SYTL1: variants seen among roughly 807,000 people sequenced by gnomAD.
The protein encoded by SYTL1 is synaptotagmin like 1.
A neutral mutation model predicts 74.6 loss-of-function variants in SYTL1; 53 were observed. That is an observed-to-expected ratio of 0.71 (90% CI 0.57 to 0.89). The LOEUF is 0.89. Among genes scored for constraint, SYTL1 ranks in the 40% least tolerant of loss-of-function variants. The pLI, the probability that SYTL1 is intolerant of heterozygous loss-of-function variation, is 0.00. For synonymous variants in SYTL1, 329 were observed against 324.9 expected (o/e 1.01, Z -0.14); for missense variants, 728 against 768.7 (o/e 0.95, Z 0.63).
At position 27,351,556 on chromosome 1, in the gene SYTL1, G is replaced by A; in HGVS notation, c.1343+1G>A. 6.5e-7 allele frequency: 1 copy of A among 1,531,246 alleles called. No individual in the cohort carries two copies. The allele number at this position is 1,531,246 out of a possible 1,614,324, so 94.9% of individuals were successfully genotyped here. A position where few individuals can be genotyped will look rare whatever the true frequency, so the allele number is the denominator to read the frequency against. ...GATCCCTGGACACTTACGTACAATGGTGAGGAGTGCTGGCCCTCCGGGCTT... is the reference window on the plus strand; with the variant it reads ...GATCCCTGGACACTTACGTACAATGATGAGGAGTGCTGGCCCTCCGGGCTT... On this transcript the variant is annotated splice_donor_variant, in intron 13 of 14. Coordinates refer to ENST00000616558, the MANE Select transcript of SYTL1 (RefSeq NM_001193308.2). LOFTEE classifies it high-confidence loss of function. The surrounding 1 kb of genome is among the most constrained non-coding windows in gnomAD (Gnocchi z 5.0).
rs78953856 is a variant in SYTL1, at chr1:27,342,851, G to A, written c.-39+701G>A. On this transcript the variant is annotated intron_variant, in intron 1 of 14. Coordinates refer to ENST00000616558, the MANE Select transcript of SYTL1 (RefSeq NM_001193308.2). This position sits in a 1 kb window ranked among gnomAD's most constrained non-coding sequence, Gnocchi z 4.7. ...CACACCCCAATCCACAGGGGAGGCC[G>A]AACGTGGGCTCACACCCCAATCCAC... is the stretch of plus-strand genomic sequence containing the variant. 9.2e-3 allele frequency among the ~76,000 whole-genome samples: 1,392 copies of A among 152,052 alleles called. 8 individuals carry two copies. Among genetic ancestry groups the A allele is most frequent in the Non-Finnish European group, 0.016 (1,062 of 67,904 alleles).
chr1:27,343,760 C>T lies in SYTL1; in HGVS notation c.-38-1537C>T, dbSNP rs1394861530. On this transcript the variant is annotated intron_variant, in intron 1 of 14. Transcript: ENST00000616558. The surrounding 1 kb of genome is among the most constrained non-coding windows in gnomAD (Gnocchi z 5.2). ...TTTGAGGGTGACTCCCTCTCCCTGC[C>T]TCCAAGGAGCTCACAACCCAGTTAG... 2.0e-5 allele frequency among the ~76,000 whole-genome samples: 3 copies of T among 152,188 alleles called. No individual in the cohort carries two copies. The highest frequency in any genetic ancestry group is 4.4e-5 in the Non-Finnish European group (3 of 68,030).
rs1181342335 is a variant in SYTL1 at position 27,353,737 on chromosome 1, C to T, written c.1574C>T (p.Pro525Leu). Reference sequence around the variant, plus strand: ...GGCAGCAGCTATGGGCTGCAGGTGCCCTGGATGGATTCCACACCTGAGGAG... The same window carrying T: ...GGCAGCAGCTATGGGCTGCAGGTGCTCTGGATGGATTCCACACCTGAGGAG... Reference protein sequence around the residue: ...GTGSSYGLQVPWMDSTPEEKQ... With the variant: ...GTGSSYGLQVLWMDSTPEEKQ... Residue 525 changes from proline (P) to leucine (L), a missense_variant, in exon 15 of 15, where the codon CCC becomes CTC. Transcript: ENST00000616558. 6.2e-7 allele frequency: 1 copy of T among 1,613,936 alleles called. No homozygotes were observed. Among genetic ancestry groups the T allele is most frequent in the East Asian group, 2.2e-5 (1 of 44,876 alleles).
Position 27,347,489 on chromosome 1 carries a change from C to G in SYTL1, c.260C>G (p.Ala87Gly). The G allele has an allele frequency of 6.2e-7, 1 of 1,614,156 alleles. No homozygotes were observed. The highest frequency in any genetic ancestry group is 1.6e-4 in the Middle Eastern group (1 of 6,062). The part of the protein sequence containing the change: ...KILTGDWFQE[A>G]RSQRHHNAHF... ...CTGACAGGGGACTGGTTCCAGGAAG[C>G]ACGCTCCCAGCGGCACCACAATGCC... Residue 87 changes from alanine to glycine, a missense_variant, in exon 3 of 15, where the codon GCA (alanine) becomes GGA (glycine). Transcript: ENST00000616558. This position sits in a 1 kb window ranked among gnomAD's most constrained non-coding sequence, Gnocchi z 4.9.
In SYTL1 at chr1:27,348,104, T is replaced by TG. The variant is rs1370458054; in HGVS notation, c.459+96dup. The TG allele has an allele frequency of 7.9e-7, 1 of 1,262,808 alleles. No homozygotes were observed. The highest frequency in any genetic ancestry group is 1.2e-6 in the Non-Finnish European group (1 of 865,022). 78.2% of individuals were successfully genotyped at this position (1,262,808 alleles called of 1,614,324 possible). A position where few individuals can be genotyped will look rare whatever the true frequency, so the allele number is the denominator to read the frequency against. On this transcript the variant is annotated intron_variant, in intron 5 of 14. Coordinates refer to ENST00000616558, the MANE Select transcript of SYTL1 (RefSeq NM_001193308.2). The surrounding 1 kb of genome is among the most constrained non-coding windows in gnomAD (Gnocchi z 4.1). The stretch of plus-strand genomic sequence containing the variant: ...GGGGGAAAGAGCCCCAGCCTGGGAA[T>TG]GGGGAGACCCTGGAAATGTTCCTTC...
Position 27,350,797 on chromosome 1 carries a change from T to C in SYTL1, c.1009T>C (p.Ser337Pro), listed in dbSNP as rs1210327660. 3.1e-6 allele frequency: 5 copies of C among 1,613,618 alleles called. No individual in the cohort carries two copies. Among genetic ancestry groups the C allele is most frequent in the Non-Finnish European group, 4.2e-6 (5 of 1,180,026 alleles). Reference sequence around the variant, plus strand: ...AAAGCTCACCTCCTGTCCTCAGTACTCCGTCCCGCAGGCCGAGCTTCAGGG... The same window carrying C: ...AAAGCTCACCTCCTGTCCTCAGTACCCCGTCCCGCAGGCCGAGCTTCAGGG... ...NPVFNETLRYSVPQAELQGRV... is the reference protein window; with the variant it reads ...NPVFNETLRYPVPQAELQGRV... Residue 337 changes from serine (S) to proline (P), a missense_variant, in exon 11 of 15, where the codon TCC becomes CCC. Physicochemically the swap from Ser to Pro is moderately conservative, Grantham distance 74. Coordinates refer to ENST00000616558, the MANE Select transcript of SYTL1 (RefSeq NM_001193308.2). The surrounding 1 kb of genome is among the most constrained non-coding windows in gnomAD (Gnocchi z 6.3).
Position 27,348,957 on chromosome 1 carries a change from G to T in SYTL1, c.460-123G>T, listed in dbSNP as rs2015117090. On this transcript the variant is annotated intron_variant, in intron 5 of 14. Coordinates refer to ENST00000616558, the MANE Select transcript of SYTL1 (RefSeq NM_001193308.2). The surrounding 1 kb of genome is among the most constrained non-coding windows in gnomAD (Gnocchi z 4.1). ...AGCTGGCTGCCAGCCCTGCCCGGAG[G>T]GCTGCCCTAAACCTGAAACTGGGGT... The T allele has an allele frequency of 2.7e-6, 2 of 747,822 alleles. No individual in the cohort carries two copies. Among genetic ancestry groups the T allele is most frequent in the African/African-American group, 1.8e-5 (1 of 56,544 alleles). The allele number at this position is 747,822 out of a possible 1,614,324, so 46.3% of individuals were successfully genotyped here.
rs755725007 is a variant in SYTL1 at position 27,349,757 on chromosome 1, TCCTCCACGGTGAGG to T, written c.741_747+7del. On this transcript the variant is annotated splice_donor_variant and splice_donor_5th_base_variant and coding_sequence_variant and intron_variant, in exon 8 of 15. Transcript: ENST00000616558. LOFTEE classifies it high-confidence loss of function. ...CAGCTCCTCGGTGTCCAGCCTTAAC[TCCTCCACGGTGAGG>T]CGGGAGGGAGGGGACCCGGGCGGCC... 1.3e-5 allele frequency: 21 copies of T among 1,600,956 alleles called. No homozygotes were observed. In the African/African-American group the frequency reaches 2.8e-4, roughly 21 times the overall value.
In SYTL1 at chr1:27,353,696, T is replaced by G. The variant is rs780064435; in HGVS notation, c.1550-17T>G. ...CCAGTGTGATCATGCCCTCAACCCC[T>G]GCCCACCCACATCCAGGCAGCAGCT... is the stretch of plus-strand genomic sequence containing the variant. On this transcript the variant is annotated splice_polypyrimidine_tract_variant and intron_variant, in intron 14 of 14. Coordinates refer to ENST00000616558, the MANE Select transcript of SYTL1 (RefSeq NM_001193308.2). 2.5e-5 allele frequency: 40 copies of G among 1,608,832 alleles called. No homozygotes were observed. Among genetic ancestry groups the G allele is most frequent in the Middle Eastern group, 1.8e-4 (1 of 5,472 alleles).
chr1:27,349,661 G>C lies in SYTL1; in HGVS notation c.643G>C (p.Ala215Pro). ...CTTGCCCCCTCTGCAGACCAAGGCCGCGTCCCAGATCCTGGAGAATGGGGA... is the reference window on the plus strand; with the variant it reads ...CTTGCCCCCTCTGCAGACCAAGGCCCCGTCCCAGATCCTGGAGAATGGGGA... ...PRPQQAQTKA[A>P]SQILENGEEA... Residue 215 changes from alanine to proline, a missense_variant, in exon 8 of 15, where the codon GCG becomes CCG. Coordinates refer to ENST00000616558, the MANE Select transcript of SYTL1 (RefSeq NM_001193308.2). The C allele has an allele frequency of 1.9e-6, 3 of 1,608,670 alleles. No homozygotes were observed. Among genetic ancestry groups the C allele is most frequent in the Non-Finnish European group, 2.5e-6 (3 of 1,178,200 alleles).
chr1:27,347,469 A>G lies in SYTL1; in HGVS notation c.240A>G (p.Thr80=), dbSNP rs755895992. 5.0e-6 allele frequency: 8 copies of G among 1,614,004 alleles called. No homozygotes were observed. The South Asian group carries it at 6.6e-5, about 13-fold the overall frequency. The change falls in exon 3 of 15, where the codon ACA becomes ACG. Residue 80 remains threonine (T), a synonymous_variant. Transcript: ENST00000616558. This position sits in a 1 kb window ranked among gnomAD's most constrained non-coding sequence, Gnocchi z 4.9. ...ACCCTGGGCAGCTGAAGATCCTGAC[A>G]GGGGACTGGTTCCAGGAAGCACGCT... ...VADPGQLKIL[T]GDWFQEARSQ... is the part of the protein sequence containing the mutation.
intron 1 of SYTL1, among the ~76,000 whole-genome samples, chr1:27,344,260 T>C (rs1239620941): frequency 6.6e-6 from 1 of 152,038 alleles, no homozygotes; most frequent in Non-Finnish European, 1.5e-5. Flanking sequence ...TGCACCACCA[T>C]GCCCGGCTAA....
At position 27,350,607 on chromosome 1, in the gene SYTL1, A is replaced by C; in HGVS notation, c.1005+122A>C. The C allele has an allele frequency of 9.3e-7, 1 of 1,079,908 alleles. No individual in the cohort carries two copies. Among genetic ancestry groups the C allele is most frequent in the Admixed American group, 2.1e-5 (1 of 47,204 alleles). 66.9% of individuals were successfully genotyped at this position (1,079,908 alleles called of 1,614,324 possible). On this transcript the variant is annotated intron_variant, in intron 10 of 14. Transcript: ENST00000616558. This position sits in a 1 kb window ranked among gnomAD's most constrained non-coding sequence, Gnocchi z 6.3. The stretch of plus-strand genomic sequence containing the variant: ...GGAGGATCGGCGGAGGGGGCCCATT[A>C]ACTCGTTATCCAGTGTTGTCAGCCT...
At position 27,342,283 on chromosome 1, in the gene SYTL1, C is replaced by T. The variant is rs546670497; in HGVS notation, c.-39+133C>T. 2.2e-5 allele frequency: 21 copies of T among 976,524 alleles called. No individual in the cohort carries two copies. In the African/African-American group the frequency reaches 3.7e-4, roughly 17 times the overall value. 60.5% of individuals were successfully genotyped at this position (976,524 alleles called of 1,614,324 possible). A position where few individuals can be genotyped will look rare whatever the true frequency, so the allele number is the denominator to read the frequency against. ...CATGTCTGGAACTGGAACAGCTGGACAGATGGACAGACCCTCCTCTTGACC... is the reference window on the plus strand; with the variant it reads ...CATGTCTGGAACTGGAACAGCTGGATAGATGGACAGACCCTCCTCTTGACC... On this transcript the variant is annotated intron_variant, in intron 1 of 14. Coordinates refer to ENST00000616558, the MANE Select transcript of SYTL1 (RefSeq NM_001193308.2). This position sits in a 1 kb window ranked among gnomAD's most constrained non-coding sequence, Gnocchi z 4.7.
Position 27,347,350 on chromosome 1 carries a change from T to C in SYTL1, c.192-71T>C. The C allele has an allele frequency of 6.2e-7, 1 of 1,605,014 alleles. No homozygotes were observed. Among genetic ancestry groups the C allele is most frequent in the Non-Finnish European group, 8.5e-7 (1 of 1,173,454 alleles). ...GGTCCCTGGCCCCTGGTCCCAAGCC[T>C]GTTAACAATGTAGGTGGCGGGAATG... On this transcript the variant is annotated intron_variant, in intron 2 of 14. Coordinates refer to ENST00000616558, the MANE Select transcript of SYTL1 (RefSeq NM_001193308.2). The surrounding 1 kb of genome is among the most constrained non-coding windows in gnomAD (Gnocchi z 4.9).
At position 27,350,576 on chromosome 1, in the gene SYTL1, T is replaced by G. The variant is rs2015223564; in HGVS notation, c.1005+91T>G. ...GTGGCAAGGGCAGCCAGTAACGTCATTGCCCGGAGGATCGGCGGAGGGGGC... is the reference window on the plus strand; with the variant it reads ...GTGGCAAGGGCAGCCAGTAACGTCAGTGCCCGGAGGATCGGCGGAGGGGGC... On this transcript the variant is annotated intron_variant, in intron 10 of 14. Transcript: ENST00000616558. The surrounding 1 kb of genome is among the most constrained non-coding windows in gnomAD (Gnocchi z 6.3). 3 of 1,205,642 alleles carry G rather than the reference T, an allele frequency of 2.5e-6. No homozygotes were observed. In the Admixed American group the frequency reaches 5.6e-5, roughly 23 times the overall value. 74.7% of individuals were successfully genotyped at this position (1,205,642 alleles called of 1,614,324 possible).
rs371232375 is a variant in SYTL1, at chr1:27,342,404, C to T, written c.-39+254C>T. 1.1e-6 allele frequency: 1 copy of T among 913,042 alleles called. No individual in the cohort carries two copies. Among genetic ancestry groups the T allele is most frequent in the South Asian group, 5.0e-5 (1 of 19,926 alleles). 56.6% of individuals were successfully genotyped at this position (913,042 alleles called of 1,614,324 possible). ...TGCCTCTGGTTGGTAGGAGAGGGGA[C>T]TTCAGGGAGGGGGCACTGCTGAGGA... is the stretch of plus-strand genomic sequence containing the variant. On this transcript the variant is annotated intron_variant, in intron 1 of 14. Transcript: ENST00000616558. The surrounding 1 kb of genome is among the most constrained non-coding windows in gnomAD (Gnocchi z 4.7).
chr1:27,349,723 G>C lies in SYTL1; in HGVS notation c.705G>C (p.Met235Ile), dbSNP rs771294953. 1 of 1,610,252 alleles carries C rather than the reference G, an allele frequency of 6.2e-7. No homozygotes were observed. Among genetic ancestry groups the C allele is most frequent in the Non-Finnish European group, 8.5e-7 (1 of 1,179,370 alleles). ...APGPDPSLDR[M>I]LSSSSSVSSL... ...GGCCCGACCCCTCTCTCGACCGCATGCTCAGCAGCAGCTCCTCGGTGTCCA... is the reference window on the plus strand; with the variant it reads ...GGCCCGACCCCTCTCTCGACCGCATCCTCAGCAGCAGCTCCTCGGTGTCCA... Residue 235 changes from methionine to isoleucine, a missense_variant, in exon 8 of 15, where the codon ATG (methionine) becomes ATC (isoleucine). Met to Ile is a conservative substitution (Grantham distance 10, BLOSUM62 1). Transcript: ENST00000616558.
rs1006045399 is a variant in SYTL1 at position 27,343,466 on chromosome 1, TGGG to T, written c.-39+1319_-39+1321del. ...CGGCAGTTACCTCAGGAGAGGAAGT[TGGG>T]GGTGTGGGCTGAGGAGGAGGTTGCC... On this transcript the variant is annotated intron_variant, in intron 1 of 14. Coordinates refer to ENST00000616558, the MANE Select transcript of SYTL1 (RefSeq NM_001193308.2). The surrounding 1 kb of genome is among the most constrained non-coding windows in gnomAD (Gnocchi z 5.2). Among the ~76,000 whole-genome samples the T allele has an allele frequency of 5.3e-5, 8 of 151,664 alleles. No individual in the cohort carries two copies. The highest frequency in any genetic ancestry group is 1.9e-4 in the African/African-American group (8 of 41,168).
Sources: allele counts gnomAD v4.1 joint callset (sites outside exome capture counted in the v4.1 genomes callset), GRCh38; gene constraint gnomAD v4.1.1; non-coding constraint Gnocchi (gnomAD v3.1); transcripts MANE v1.5; gene names NCBI Gene and HGNC (gene_info 2026-07-23, HGNC 2026-07-21).